Variants in PPTC7 observed in about 807,000 individuals in gnomAD.
PPTC7 encodes protein phosphatase PTC7 homolog.
In PPTC7, 6 loss-of-function variants were observed where a neutral mutation model predicts 30.8. The ratio of observed to expected loss-of-function variants is 0.19; its 90% CI spans 0.11 to 0.38. PPTC7 has a LOEUF of 0.38. Among genes scored for constraint, PPTC7 ranks in the 10% least tolerant of loss-of-function variants. The pLI is 1.00. For missense variants in PPTC7, 218 were observed against 404.8 expected, an observed-to-expected ratio of 0.54 and a Z score of 3.96; for synonymous variants, 163 against 168.1, an observed-to-expected ratio of 0.97 and a Z score of 0.23.
intron 1 of PPTC7, among the ~76,000 whole-genome samples, chr12:110,574,141 TAAAAAAAAAAAA>T (rs58133391): frequency 0.034 from 1,272 of 37,568 alleles, 45 homozygotes; most frequent in African/African-American, 0.11. Context: ...CCACAATAAT[TAAAAAAAAAAAA>T]AAAAAAAAAA....
In PPTC7 at chr12:110,564,836, T is replaced by TTA. The variant is rs1555215300; in HGVS notation, c.224-12870_224-12869dup. Among the ~76,000 whole-genome samples the TTA allele has an allele frequency of 2.0e-4, 13 of 65,372 alleles. 1 individual carries two copies. Among genetic ancestry groups the TTA allele is most frequent in the Admixed American group, 3.2e-4 (2 of 6,306 alleles). 42.9% of individuals were successfully genotyped at this position (65,372 alleles called of 152,430 possible). On this transcript the variant is annotated intron_variant, in intron 1 of 5. Transcript: ENST00000354300. ...GTATATGTGTATATATACATACACG[T>TTA]TATATATATATACACGTATATGTAT...
rs1405746500 is a variant in PPTC7, at chr12:110,582,874, T to C, written c.158A>G (p.Lys53Arg). The change falls in exon 1 of 6, where the codon AAG becomes AGG. Residue 53 changes from lysine to arginine, a missense_variant. Transcript: ENST00000354300. ...FGKDFRKGLLKKGACYGDDAC... is the reference protein window; with the variant it reads ...FGKDFRKGLLRKGACYGDDAC... ...GTCGTCCCCGTAGCACGCGCCCTTC[T>C]TGAGGAGGCCCTTACGGAAGTCCTT... The C allele has an allele frequency of 6.4e-7, 1 of 1,557,728 alleles. No homozygotes were observed. Among genetic ancestry groups the C allele is most frequent in the Admixed American group, 1.9e-5 (1 of 52,592 alleles).
chr12:110,541,323 A>G (rs1261255548), intron 3 of PPTC7, among the ~76,000 whole-genome samples: 2 of 151,510 alleles, frequency 1.3e-5, no homozygotes, highest in Non-Finnish European at 2.9e-5. Context: ...TGGAGGTTGC[A>G]GTGAGCCAGT....
intron 3 of PPTC7, among the ~76,000 whole-genome samples, chr12:110,544,612 G>A (rs531186970): frequency 6.6e-6 from 1 of 152,318 alleles, no homozygotes; most frequent in African/African-American, 2.4e-5. Context: ...GAGGCGGGTG[G>A]ATCACGAGGT....
At chr12:110,573,599 T>A (rs2064558339) in intron 1 of PPTC7, among the ~76,000 whole-genome samples, 1 of 152,242 alleles carries the variant, frequency 6.6e-6, no homozygotes, top group Admixed American at 6.5e-5. Flanking sequence ...TATAGCTTAC[T>A]ATAGCTGAGT....
chr12:110,537,110 A>C lies in PPTC7; in HGVS notation c.857-15T>G. ...TGGCTTTCCACCTACAATGAAAATG[A>C]GAACCTATCAGTATATTTTAAAAGG... On this transcript the variant is annotated splice_polypyrimidine_tract_variant and intron_variant, in intron 5 of 5. Transcript: ENST00000354300. 6.3e-7 allele frequency: 1 copy of C among 1,578,390 alleles called. No homozygotes were observed. Among genetic ancestry groups the C allele is most frequent in the East Asian group, 2.2e-5 (1 of 44,716 alleles).
intron 1 of PPTC7, among the ~76,000 whole-genome samples, chr12:110,557,541 G>A (rs2064400486): frequency 6.6e-6 from 1 of 152,102 alleles, no homozygotes; most frequent in Admixed American, 6.6e-5. Flanking sequence ...GCCTCCCAAA[G>A]TGCCGAGATT....
At chr12:110,573,429 A>G (rs1353113258) in intron 1 of PPTC7, among the ~76,000 whole-genome samples, 2 of 152,244 alleles carry the variant, frequency 1.3e-5, no homozygotes, top group African/African-American at 4.8e-5. Flanking sequence ...GCACTCCAGC[A>G]TGCTTCTGGA....
intron 1 of PPTC7, among the ~76,000 whole-genome samples, chr12:110,556,940 C>T (rs2064393388): frequency 2.6e-5 from 4 of 152,044 alleles, no homozygotes; most frequent in South Asian, 2.1e-4. Flanking sequence ...TCGGATAGGC[C>T]CTGGCAGGGG....
At chr12:110,550,171 A>T (rs1045489491) in intron 2 of PPTC7, among the ~76,000 whole-genome samples, 7 of 152,168 alleles carry the variant, frequency 4.6e-5, no homozygotes, top group African/African-American at 1.7e-4. Context: ...TTAAACTGAA[A>T]GCAAATTCTA....
At chr12:110,569,767 C>T (rs1249868782) in intron 1 of PPTC7, among the ~76,000 whole-genome samples, 1 of 152,202 alleles carries the variant, frequency 6.6e-6, no homozygotes, top group Non-Finnish European at 1.5e-5. Context: ...TTCTGGCTTC[C>T]CAATTTATCT....
At position 110,534,229 on chromosome 12, in the gene PPTC7, T is replaced by C. The variant is rs1021072609; in HGVS notation, c.*2808A>G. ...AACAACAAAATAAAAATTTCAAGCA[T>C]GTGATAAAAATATTGATTTTTATAA... is the stretch of plus-strand genomic sequence containing the variant. On this transcript the variant is annotated 3_prime_UTR_variant, in exon 6 of 6. Coordinates refer to ENST00000354300, the MANE Select transcript of PPTC7 (RefSeq NM_139283.2). The C allele has an allele frequency of 6.6e-6, 1 of 152,138 alleles. No individual in the cohort carries two copies. The highest frequency in any genetic ancestry group is 1.5e-5 in the Non-Finnish European group (1 of 68,028). The allele number at this position is 152,138 out of a possible 1,614,324, so 9.4% of individuals were successfully genotyped here. A position where few individuals can be genotyped will look rare whatever the true frequency, so the allele number is the denominator to read the frequency against.
At chr12:110,558,009 G>C (rs1042847130) in intron 1 of PPTC7, among the ~76,000 whole-genome samples, 33 of 152,226 alleles carry the variant, frequency 2.2e-4, no homozygotes, top group African/African-American at 7.5e-4. Flanking sequence ...GATGAAATTT[G>C]AGTGGGGACA....
At chr12:110,540,009 CT>C in intron 3 of PPTC7, 64 bp from the exon 4 acceptor site, 1 of 1,450,636 alleles carries the variant, frequency 6.9e-7, no homozygotes, top group Middle Eastern at 1.8e-4. Context: ...TGAAAATGTC[CT>C]ACAGGCACTA....
At chr12:110,565,563 C>T (rs1432654736) in intron 1 of PPTC7, among the ~76,000 whole-genome samples, 2 of 152,144 alleles carry the variant, frequency 1.3e-5, no homozygotes, top group East Asian at 3.9e-4. Context: ...CCCATACTTT[C>T]CAATTTTTTA....
chr12:110,537,103 G>A lies in PPTC7; in HGVS notation c.857-8C>T. ...TGTCATCTGGCTTTCCACCTACAAT[G>A]AAAATGAGAACCTATCAGTATATTT... On this transcript the variant is annotated splice_polypyrimidine_tract_variant and splice_region_variant and intron_variant, in intron 5 of 5. Coordinates refer to ENST00000354300, the MANE Select transcript of PPTC7 (RefSeq NM_139283.2). 6.3e-7 allele frequency: 1 copy of A among 1,595,832 alleles called. No homozygotes were observed. The highest frequency in any genetic ancestry group is 1.7e-5 in the Admixed American group (1 of 59,980).
In PPTC7 at chr12:110,535,282, A is replaced by G. The variant is rs2064210816; in HGVS notation, c.*1755T>C. The G allele has an allele frequency of 6.6e-6, 1 of 152,238 alleles. No homozygotes were observed. The highest frequency in any genetic ancestry group is 6.6e-5 in the Admixed American group (1 of 15,230). The allele number at this position is 152,238 out of a possible 1,614,324, so 9.4% of individuals were successfully genotyped here. ...GCATTCTGACATGTAATTAAAGGTG[A>G]TTCAAAATAGATTATCTAACATTAT... On this transcript the variant is annotated 3_prime_UTR_variant, in exon 6 of 6. Coordinates refer to ENST00000354300, the MANE Select transcript of PPTC7 (RefSeq NM_139283.2).
At chr12:110,577,102 G>A (rs1029787196) in intron 1 of PPTC7, among the ~76,000 whole-genome samples, 1 of 150,202 alleles carries the variant, frequency 6.7e-6, no homozygotes, top group East Asian at 1.9e-4. Context: ...AGGAGGCAGA[G>A]GTTGCAGTGA....
chr12:110,578,208 T>C (rs539772503), intron 1 of PPTC7, among the ~76,000 whole-genome samples: 1 of 152,338 alleles, frequency 6.6e-6, no homozygotes, highest in Admixed American at 6.5e-5. Flanking sequence ...CAGTCTTTGA[T>C]TCTATTGTTA....
Sources: allele counts gnomAD v4.1 joint callset (sites outside exome capture counted in the v4.1 genomes callset), GRCh38; gene constraint gnomAD v4.1.1; transcripts MANE v1.5; gene names NCBI Gene and HGNC (gene_info 2026-07-23, HGNC 2026-07-21).